Variants in RABL2A observed in about 807,000 individuals in gnomAD.
RABL2A encodes RAB, member of RAS oncogene family like 2A.
In RABL2A, 17 loss-of-function variants were observed where a neutral mutation model predicts 30.7. The ratio of observed to expected loss-of-function variants is 0.55; its 90% CI spans 0.38 to 0.83. RABL2A has a LOEUF of 0.83. Among genes scored for constraint, RABL2A ranks in the 40% least tolerant of loss-of-function variants. The pLI, the probability that RABL2A is intolerant of heterozygous loss-of-function variation, is 0.00. For missense variants in RABL2A, 155 were observed against 272.6 expected, an observed-to-expected ratio of 0.57 and a Z score of 3.04; for synonymous variants, 64 against 101.8, an observed-to-expected ratio of 0.63 and a Z score of 2.24.
chr2:113,638,739 G>A (rs192313211), intron 5 of RABL2A: 50 of 230,856 alleles, frequency 2.2e-4, no homozygotes, highest in African/African-American at 9.6e-4. Context: ...GTGGTGGCGC[G>A]CACCTGTAAT....
chr2:113,635,721 G>C (rs1156448643), intron 5 of RABL2A, among the ~76,000 whole-genome samples: 2 of 152,230 alleles, frequency 1.3e-5, no homozygotes, highest in African/African-American at 4.8e-5. Flanking sequence ...GTGTCCTATA[G>C]AAGTTCCTAC....
rs547007940 is a variant in RABL2A at position 113,637,801 on chromosome 2, T to C, written c.297+2671T>C. The C allele has an allele frequency of 3.0e-5, 39 of 1,285,262 alleles. No homozygotes were observed. In the East Asian group the frequency reaches 2.1e-3, roughly 68 times the overall value. 79.6% of individuals were successfully genotyped at this position (1,285,262 alleles called of 1,614,324 possible). On this transcript the variant is annotated intron_variant, in intron 5 of 8. Transcript: ENST00000683472. ...TTTGAGCTCACCTCTCTTTTTCTCT[T>C]GGAGTGACTGCTTCCTGCATCTGCT...
chr2:113,628,489 C>G (rs1678979762), intron 1 of RABL2A, 65 bp from the exon 2 acceptor site: 5 of 1,527,280 alleles, frequency 3.3e-6, no homozygotes. Flanking sequence ...GATGGAGGTA[C>G]AGCTGGAGAT....
At chr2:113,639,646 A>G (rs1203052517) in intron 5 of RABL2A, among the ~76,000 whole-genome samples, 2 of 151,842 alleles carry the variant, frequency 1.3e-5, no homozygotes, top group Non-Finnish European at 2.9e-5. Context: ...CCTTGAGATC[A>G]AGAGTTCGAG....
intron 5 of RABL2A, among the ~76,000 whole-genome samples, chr2:113,639,831 G>A: frequency 6.9e-6 from 1 of 144,684 alleles, no homozygotes; most frequent in Non-Finnish European, 1.5e-5. Context: ...ACTCCAGCCT[G>A]GGTAACAGAG....
At chr2:113,636,135 C>T (rs980617415) in intron 5 of RABL2A, among the ~76,000 whole-genome samples, 1 of 151,870 alleles carries the variant, frequency 6.6e-6, no homozygotes, top group Non-Finnish European at 1.5e-5. Context: ...TCATGAATAT[C>T]AGCCATCAAC....
At chr2:113,628,344 C>G in intron 1 of RABL2A, 1 of 342,540 alleles carries the variant, frequency 2.9e-6, no homozygotes, top group South Asian at 2.8e-5. Context: ...ACGTGAGGAG[C>G]AGCATTTGGG....
In RABL2A at chr2:113,632,586, A is replaced by G. The variant is rs527580788; in HGVS notation, c.108-329A>G. Reference sequence around the variant, plus strand: ...CGACCGGGAAATGGCTTTTGAACGGAAGGCGCAGCTTTGGCCTGGCCTCTG... The same window carrying G: ...CGACCGGGAAATGGCTTTTGAACGGGAGGCGCAGCTTTGGCCTGGCCTCTG... On this transcript the variant is annotated intron_variant, in intron 2 of 8. Transcript: ENST00000683472. 5.5e-3 allele frequency among the ~76,000 whole-genome samples: 845 copies of G among 152,328 alleles called. 5 individuals are homozygous for G. Among genetic ancestry groups the G allele is most frequent in the African/African-American group, 0.019 (783 of 41,570 alleles).
At position 113,638,534 on chromosome 2, in the gene RABL2A, C is replaced by A. The variant is rs531871653; in HGVS notation, c.298-2360C>A. On this transcript the variant is annotated intron_variant, in intron 5 of 8. Transcript: ENST00000683472. ...GTCTTTCAGAGTTCTGCCCTTAGAG[C>A]TGGTTTGCAGTGCTCATCCTTCTTG... 34 of 985,378 alleles carry A rather than the reference C, an allele frequency of 3.5e-5. No individual in the cohort carries two copies. In the Admixed American group the frequency reaches 1.6e-3, roughly 46 times the overall value. 61.0% of individuals were successfully genotyped at this position (985,378 alleles called of 1,614,324 possible).
chr2:113,629,660 G>C (rs1389146245), intron 2 of RABL2A, among the ~76,000 whole-genome samples: 1 of 151,872 alleles, frequency 6.6e-6, no homozygotes, highest in East Asian at 1.9e-4. Context: ...ACAGCCTTGC[G>C]AGTAGCTAGG....
intron 5 of RABL2A, chr2:113,637,365 G>T: frequency 9.9e-7 from 1 of 1,013,064 alleles, no homozygotes; most frequent in South Asian, 4.1e-5. Flanking sequence ...TAGCTCTTCC[G>T]TGTGTGCTCC....
At chr2:113,638,308 C>A (rs1430558689) in intron 5 of RABL2A, 1 of 985,324 alleles carries the variant, frequency 1.0e-6, no homozygotes, top group Non-Finnish European at 1.2e-6. Flanking sequence ...ACAGGGCGAG[C>A]CCCTAGCCCT....
At chr2:113,629,204 G>T (rs1679298832) in intron 2 of RABL2A, among the ~76,000 whole-genome samples, 1 of 152,158 alleles carries the variant, frequency 6.6e-6, no homozygotes, top group South Asian at 2.1e-4. Flanking sequence ...AGAGGTGAAG[G>T]GAGGCTCTGC....
Position 113,642,889 on chromosome 2 carries a change from G to A in RABL2A, c.*760G>A, listed in dbSNP as rs570951121. The A allele has an allele frequency of 3.2e-4, 95 of 295,498 alleles. No homozygotes were observed. Among genetic ancestry groups the A allele is most frequent in the South Asian group, 2.4e-3 (94 of 38,664 alleles). 18.3% of individuals were successfully genotyped at this position (295,498 alleles called of 1,614,324 possible). A position where few individuals can be genotyped will look rare whatever the true frequency, so the allele number is the denominator to read the frequency against. On this transcript the variant is annotated 3_prime_UTR_variant, in exon 9 of 9. Coordinates refer to ENST00000683472, the MANE Select transcript of RABL2A (RefSeq NM_001306158.2). ...GATCCGCCCGCCTCGGCCTCCCAAA[G>A]TGCTGGGATTACAGGCATGAGCCAC...
rs144143103 is a variant in RABL2A at position 113,634,273 on chromosome 2, G to A, written c.217+41G>A. ...CCAAGACATGCTGACCCTCAGGAAA[G>A]AGGAAATGGGAGACGAGGGGAGGTG... On this transcript the variant is annotated intron_variant, in intron 4 of 8. Transcript: ENST00000683472. 459 of 1,579,352 alleles carry A rather than the reference G, an allele frequency of 2.9e-4. 2 individuals are homozygous for A. In the East Asian group the frequency reaches 6.2e-3, roughly 21 times the overall value.
chr2:113,643,115 C>T lies in RABL2A; in HGVS notation c.*986C>T, dbSNP rs573724376. On this transcript the variant is annotated 3_prime_UTR_variant, in exon 9 of 9. Coordinates refer to ENST00000683472, the MANE Select transcript of RABL2A (RefSeq NM_001306158.2). Reference sequence around the variant, plus strand: ...GTCCTTACAGCCATACCACAAGGTACGTCCATTTGGACTACAAGAAGAGCT... The same window carrying T: ...GTCCTTACAGCCATACCACAAGGTATGTCCATTTGGACTACAAGAAGAGCT... 1.5e-4 allele frequency: 66 copies of T among 453,988 alleles called. No homozygotes were observed. Among genetic ancestry groups the T allele is most frequent in the African/African-American group, 1.0e-3 (52 of 50,008 alleles). 28.1% of individuals were successfully genotyped at this position (453,988 alleles called of 1,614,324 possible). A position where few individuals can be genotyped will look rare whatever the true frequency, so the allele number is the denominator to read the frequency against.
Position 113,641,383 on chromosome 2 carries a change from A to T in RABL2A, c.440A>T (p.Asn147Ile). 6.2e-7 allele frequency: 1 copy of T among 1,612,978 alleles called. No homozygotes were observed. Among genetic ancestry groups the T allele is most frequent in the Non-Finnish European group, 8.5e-7 (1 of 1,179,784 alleles). Residue 147 changes from asparagine (N) to isoleucine (I), a missense_variant, in exon 7 of 9, where the codon AAT becomes ATT. Around this residue, in one of 5 missense-constraint regions of RABL2A, gnomAD observed 33 missense variants for 30.7 expected, o/e 1.08. Transcript: ENST00000683472. ...ADINVTQKSF[N>I]FAKKFSLPLY... ...ATAAACGTGACCCAAAAAAGCTTCA[A>T]TTTTGCCAAGAAGTTCTCCCTGCCC...
At chr2:113,638,227 G>A in intron 5 of RABL2A, 1 of 985,410 alleles carries the variant, frequency 1.0e-6, no homozygotes, top group Non-Finnish European at 1.2e-6. Context: ...AAATTTGCCT[G>A]TGAAAGAGAA....
In RABL2A at chr2:113,642,073, G is replaced by C. The variant is rs781633372; in HGVS notation, c.634G>C (p.Glu212Gln). The part of the protein sequence containing the change: ...EQEEEDVPDQ[E>Q]QSSSIETPSE... The stretch of plus-strand genomic sequence containing the variant: ...GGAAGAGGAGGACGTGCCAGACCAG[G>C]AACAGAGCAGCAGCATCGAGACCCC... The change falls in exon 9 of 9, where the codon GAA becomes CAA. Residue 212 changes from glutamate to glutamine, a missense_variant. Glu to Gln is a conservative substitution (Grantham distance 29, BLOSUM62 2). This residue lies in a region of RABL2A where 24 missense variants were observed against 69.4 expected (regional missense o/e 0.35). Coordinates refer to ENST00000683472, the MANE Select transcript of RABL2A (RefSeq NM_001306158.2). 1 of 1,613,246 alleles carries C rather than the reference G, an allele frequency of 6.2e-7. No individual in the cohort carries two copies. Among genetic ancestry groups the C allele is most frequent in the Non-Finnish European group, 8.5e-7 (1 of 1,179,810 alleles).
Sources: gnomAD v4.1 joint callset for allele counts (sites outside exome capture counted in the v4.1 genomes callset) on GRCh38, gnomAD v4.1.1 for gene constraint, gnomAD v4.1.1 regional missense constraint, MANE v1.5 for transcripts, NCBI Gene and HGNC (gene_info 2026-07-23, HGNC 2026-07-21) for gene names.